Variants in NARS2 observed in about 807,000 individuals in gnomAD.
NARS2 encodes asparaginyl-tRNA synthetase 2, mitochondrial.
Under a neutral mutation model 62.9 loss-of-function variants are expected in NARS2, and 60 were observed. That is an observed-to-expected ratio of 0.95 (90% CI 0.77 to 1.18). NARS2 has a LOEUF of 1.18. Among genes scored for constraint, NARS2 ranks in the 50% most tolerant of loss-of-function variants. NARS2 has a pLI of 0.00. For synonymous variants in NARS2, 196 were observed against 200.0 expected (o/e 0.98, Z 0.17); for missense variants, 619 against 576.4 (o/e 1.07, Z -0.76).
chr11:78,506,219 C>G (rs1160691974), intron 6 of NARS2, among the ~76,000 whole-genome samples: 1 of 152,132 alleles, frequency 6.6e-6, no homozygotes, highest in Non-Finnish European at 1.5e-5. Context: ...AGACGTGGAC[C>G]AACCGGCATC....
intron 5 of NARS2, chr11:78,558,288 T>C (rs1856437623): frequency 6.6e-6 from 1 of 152,200 alleles, no homozygotes; most frequent in Non-Finnish European, 1.5e-5. Flanking sequence ...TCAAGAATTC[T>C]TCCAGTCATG....
chr11:78,492,322 T>C (rs1391040456), intron 7 of NARS2, among the ~76,000 whole-genome samples: 1 of 152,216 alleles, frequency 6.6e-6, no homozygotes, highest in African/African-American at 2.4e-5. Context: ...TTGTGTGCAC[T>C]GTCTGGATTA....
chr11:78,436,638 T>TG lies in NARS2; in HGVS notation c.*31dup, dbSNP rs749323092. On this transcript the variant is annotated 3_prime_UTR_variant, in exon 14 of 14. Transcript: ENST00000281038. ...ACAATCATGTGCAGTGTCTCTGCCATGGGGGGTGCTTTTCCTTAACCAATC... is the reference window on the plus strand; with the variant it reads ...ACAATCATGTGCAGTGTCTCTGCCATGGGGGGGTGCTTTTCCTTAACCAATC... 4 of 1,612,608 alleles carry TG rather than the reference T, an allele frequency of 2.5e-6. No individual in the cohort carries two copies. Among genetic ancestry groups the TG allele is most frequent in the African/African-American group, 2.7e-5 (2 of 75,014 alleles).
chr11:78,509,412 T>C (rs1479032810), intron 6 of NARS2, among the ~76,000 whole-genome samples: 3 of 152,138 alleles, frequency 2.0e-5, no homozygotes, highest in African/African-American at 7.2e-5. Context: ...TTAATCAAAG[T>C]AAACACATGA....
chr11:78,494,378 C>G (rs542052167), intron 6 of NARS2, among the ~76,000 whole-genome samples: 13 of 151,894 alleles, frequency 8.6e-5, no homozygotes, highest in Non-Finnish European at 1.6e-4. Flanking sequence ...CTGAGCACAC[C>G]TAATCTGTCA....
At chr11:78,464,634 G>A (rs1239780441) in intron 11 of NARS2, among the ~76,000 whole-genome samples, 1 of 152,262 alleles carries the variant, frequency 6.6e-6, no homozygotes, top group East Asian at 1.9e-4. Flanking sequence ...GTGCTGATTG[G>A]TGTGTTTTCA....
chr11:78,523,726 TG>T (rs1234239939), intron 6 of NARS2, among the ~76,000 whole-genome samples: 1 of 152,224 alleles, frequency 6.6e-6, no homozygotes, highest in African/African-American at 2.4e-5. Context: ...CAATTTACTG[TG>T]TGATTCTATC....
rs551167540 is a variant in NARS2, at chr11:78,509,252, T to C, written c.690-16057A>G. 3.3e-5 allele frequency among the ~76,000 whole-genome samples: 5 copies of C among 152,066 alleles called. No individual in the cohort carries two copies. The South Asian group carries it at 1.0e-3, about 32-fold the overall frequency. On this transcript the variant is annotated intron_variant, in intron 6 of 13. Transcript: ENST00000281038. ...ATTTGGCAAAACTGTCCTTCAAAAG[T>C]AAGGGAGAAAGTAAGACATTCCTAC... is the stretch of plus-strand genomic sequence containing the variant.
At chr11:78,557,115 G>T (rs753117138) in intron 5 of NARS2, among the ~76,000 whole-genome samples, 1 of 152,212 alleles carries the variant, frequency 6.6e-6, no homozygotes, top group Non-Finnish European at 1.5e-5. Flanking sequence ...ATGAGGGAAA[G>T]GAAGAGTAAA....
At chr11:78,538,607 G>A (rs1164883706) in intron 5 of NARS2, among the ~76,000 whole-genome samples, 1 of 152,154 alleles carries the variant, frequency 6.6e-6, no homozygotes, top group Non-Finnish European at 1.5e-5. Flanking sequence ...GGAACAGCCA[G>A]TAGAGAGATC....
intron 5 of NARS2, 125 bp downstream of exon 5, chr11:78,559,414 T>C: frequency 1.5e-6 from 1 of 660,860 alleles, no homozygotes; most frequent in Non-Finnish European, 2.6e-6. Context: ...TTTTCAAGGA[T>C]TTTTATTGAC....
At chr11:78,521,789 C>CAAAAAAAAAAAAAAAAA (rs58282524) in intron 6 of NARS2, among the ~76,000 whole-genome samples, 1 of 96,410 alleles carries the variant, frequency 1.0e-5, no homozygotes, top group African/African-American at 4.7e-5. Context: ...GACTCCGTCT[C>CAAAAAAAAAAAAAAAAA]AAAAAAAAAA....
chr11:78,543,954 C>G (rs896815952), intron 5 of NARS2, among the ~76,000 whole-genome samples: 5 of 136,172 alleles, frequency 3.7e-5, no homozygotes, highest in African/African-American at 1.4e-4. Context: ...TCGCTTGAAC[C>G]CGGGAGGTGG....
At chr11:78,449,088 T>C (rs576297282) in intron 11 of NARS2, among the ~76,000 whole-genome samples, 6 of 152,146 alleles carry the variant, frequency 3.9e-5, no homozygotes, top group African/African-American at 4.8e-5. Flanking sequence ...ACAGTTATAG[T>C]TGTGTAACTG....
At chr11:78,469,947 G>A (rs943153679) in intron 9 of NARS2, among the ~76,000 whole-genome samples, 3 of 152,280 alleles carry the variant, frequency 2.0e-5, no homozygotes, top group Non-Finnish European at 2.9e-5. Context: ...AGCGTGCACC[G>A]AGTAAGGAAA....
chr11:78,459,074 C>T (rs1858284489), intron 11 of NARS2, among the ~76,000 whole-genome samples: 1 of 152,016 alleles, frequency 6.6e-6, no homozygotes, highest in African/African-American at 2.4e-5. Flanking sequence ...GCCACCATGC[C>T]TGGCTACTTT....
intron 6 of NARS2, among the ~76,000 whole-genome samples, chr11:78,522,034 G>GCCTCAAT (rs1025078265): frequency 6.6e-6 from 1 of 152,038 alleles, no homozygotes; most frequent in Non-Finnish European, 1.5e-5. Context: ...GCTTACTGCA[G>GCCTCAAT]CCTCAATCTC....
intron 10 of NARS2, 40 bp downstream of exon 10, chr11:78,469,207 A>AT: frequency 7.3e-7 from 1 of 1,362,720 alleles, no homozygotes; most frequent in African/African-American, 1.4e-5. Flanking sequence ...AGAAGGAAGC[A>AT]TTTTCACACA....
intron 5 of NARS2, among the ~76,000 whole-genome samples, chr11:78,550,472 G>A (rs1352505060): frequency 6.6e-6 from 1 of 152,100 alleles, no homozygotes; most frequent in East Asian, 1.9e-4. Context: ...TTCTAGAATT[G>A]TTAAATGAAG....
Sources: gnomAD v4.1 joint callset for allele counts (sites outside exome capture counted in the v4.1 genomes callset) on GRCh38, gnomAD v4.1.1 for gene constraint, MANE v1.5 for transcripts, NCBI Gene and HGNC (gene_info 2026-07-23, HGNC 2026-07-21) for gene names.